ECE1: variants seen among roughly 807,000 people sequenced by gnomAD.
ECE1 encodes endothelin-converting enzyme 1.
ECE1 carries 35 observed loss-of-function variants against 98.6 expected under a neutral mutation model. That is an observed-to-expected ratio of 0.35 (90% CI 0.27 to 0.47). The LOEUF (loss-of-function observed/expected upper bound fraction) is 0.47. Among genes scored for constraint, ECE1 ranks in the 20% least tolerant of loss-of-function variants. The pLI, the probability that ECE1 is intolerant of heterozygous loss-of-function variation, is 1.00. For missense variants in ECE1, 814 were observed against 1,025.3 expected, an observed-to-expected ratio of 0.79 and a Z score of 2.81; for synonymous variants, 394 against 407.1, an observed-to-expected ratio of 0.97 and a Z score of 0.39.
chr1:21,236,290 G>A (rs1405007293), intron 12 of ECE1, among the ~76,000 whole-genome samples: 2 of 152,240 alleles, frequency 1.3e-5, no homozygotes, highest in Non-Finnish European at 2.9e-5. Context: ...GGCCTACCCC[G>A]AATCCTGCTA....
Position 21,319,346 on chromosome 1 carries a change from A to AAATAAT in ECE1, c.3+26024_3+26029dup, listed in dbSNP as rs3061090. Among the ~76,000 whole-genome samples the AAATAAT allele has an allele frequency of 6.8e-4, 103 of 151,932 alleles. 2 individuals carry two copies. In the East Asian group the frequency reaches 0.019, roughly 28 times the overall value. On this transcript the variant is annotated intron_variant, in intron 1 of 18. Coordinates refer to the ECE1 transcript ENST00000415912. This position sits in a 1 kb window ranked among gnomAD's most constrained non-coding sequence, Gnocchi z 4.4. ...GGAGACAGAGCGAGACTCCGTCTCA[A>AAATAAT]AATAATAATAATCATAATCATAATC...
rs114460024 is a variant in ECE1 at position 21,319,218 on chromosome 1, G to A, written c.3+26158C>T. On this transcript the variant is annotated intron_variant, in intron 1 of 18. Coordinates refer to the ECE1 transcript ENST00000415912. The surrounding 1 kb of genome is among the most constrained non-coding windows in gnomAD (Gnocchi z 4.4). ...AAAGTAGCCAGGCGTGGTGGTGTGC[G>A]TCTATAATCCCAGCTACTTGGGAGG... 0.013 allele frequency among the ~76,000 whole-genome samples: 1,973 copies of A among 152,202 alleles called. 46 individuals carry two copies. The highest frequency in any genetic ancestry group is 0.045 in the African/African-American group (1,863 of 41,518).
chr1:21,248,492 G>C (rs1339161173), intron 8 of ECE1, among the ~76,000 whole-genome samples: 1 of 151,956 alleles, frequency 6.6e-6, no homozygotes, highest in Non-Finnish European at 1.5e-5. Context: ...TCTATTTTAA[G>C]ATGACTGAAA....
intron 4 of ECE1, among the ~76,000 whole-genome samples, chr1:21,267,934 T>A (rs1051176278): frequency 1.6e-4 from 25 of 152,372 alleles, no homozygotes; most frequent in African/African-American, 4.6e-4. Context: ...GAATATTGTA[T>A]GTCTATCTCC....
At chr1:21,252,149 G>A (rs919753007) in intron 8 of ECE1, among the ~76,000 whole-genome samples, 3 of 152,160 alleles carry the variant, frequency 2.0e-5, no homozygotes, top group East Asian at 1.9e-4. Flanking sequence ...GATATAAGAC[G>A]GTGAGAAATC....
chr1:21,243,095 C>G (rs762366369), intron 10 of ECE1, among the ~76,000 whole-genome samples: 17 of 152,206 alleles, frequency 1.1e-4, no homozygotes, highest in South Asian at 4.1e-4. Context: ...TGGTACAGAG[C>G]TCAGGGCTAT....
Position 21,260,467 on chromosome 1 carries a change from T to C in ECE1, c.494-75A>G. Reference sequence around the variant, plus strand: ...GGTGGCTTTGGGGCAGTCCCTCTTTTCGGAGCCTTGGTGTTCTCAGCTGCA... The same window carrying C: ...GGTGGCTTTGGGGCAGTCCCTCTTTCCGGAGCCTTGGTGTTCTCAGCTGCA... On this transcript the variant is annotated intron_variant, in intron 4 of 18. Coordinates refer to ENST00000374893, the MANE Select transcript of ECE1 (RefSeq NM_001397.3). The surrounding 1 kb of genome is among the most constrained non-coding windows in gnomAD (Gnocchi z 4.3). 6.3e-7 allele frequency: 1 copy of C among 1,582,886 alleles called. No individual in the cohort carries two copies. Among genetic ancestry groups the C allele is most frequent in the Admixed American group, 1.7e-5 (1 of 59,960 alleles).
intron 1 of ECE1, among the ~76,000 whole-genome samples, chr1:21,300,043 T>C (rs1290866574): frequency 1.3e-5 from 2 of 152,222 alleles, no homozygotes; most frequent in African/African-American, 4.8e-5. Flanking sequence ...GGAATGGAGT[T>C]TGAAAAATCA....
intron 1 of ECE1, among the ~76,000 whole-genome samples, chr1:21,303,581 C>A (rs1638531593): frequency 6.6e-6 from 1 of 152,220 alleles, no homozygotes; most frequent in South Asian, 2.1e-4. Flanking sequence ...TGGCCCAAGG[C>A]AGAACTCACA....
intron 1 of ECE1, among the ~76,000 whole-genome samples, chr1:21,318,249 G>A (rs1638875062): frequency 6.6e-6 from 1 of 152,194 alleles, no homozygotes; most frequent in Admixed American, 6.5e-5. Context: ...AATGAAACAA[G>A]TACCCTGCTG....
chr1:21,342,261 C>A (rs1160079762), intron 1 of ECE1, among the ~76,000 whole-genome samples: 1 of 152,144 alleles, frequency 6.6e-6, no homozygotes, highest in African/African-American at 2.4e-5. Flanking sequence ...GGGTCTCCTT[C>A]CCCCAACTGT....
At chr1:21,284,927 G>C (rs1449854820) in intron 2 of ECE1, among the ~76,000 whole-genome samples, 1 of 152,202 alleles carries the variant, frequency 6.6e-6, no homozygotes, top group Non-Finnish European at 1.5e-5. Context: ...CAGGCTCCCT[G>C]GAGTAAGCCT....
At chr1:21,223,559 C>T (rs544647588) in intron 17 of ECE1, among the ~76,000 whole-genome samples, 12 of 152,302 alleles carry the variant, frequency 7.9e-5, no homozygotes, top group Admixed American at 1.3e-4. Flanking sequence ...CTCCACCTTC[C>T]GGGTTCAAGC....
chr1:21,220,068 G>C lies in ECE1; in HGVS notation c.2200C>G (p.Pro734Ala). Reference sequence around the variant, plus strand: ...GAGCCGATGACCCGGAAGCGAGAGGGGCTGTGGGGATCGGTGATGAGGCCT... The same window carrying C: ...GAGCCGATGACCCGGAAGCGAGAGGCGCTGTGGGGATCGGTGATGAGGCCT... ...HEGLITDPHS[P>A]SRFRVIGSLS... The change falls in exon 19 of 19, where the codon CCC becomes GCC. Residue 734 changes from proline to alanine, a missense_variant. By Grantham distance (27) the Pro-to-Ala change is conservative (BLOSUM62 -1). This residue lies in a region of ECE1 where 452 missense variants were observed against 567.3 expected (regional missense o/e 0.80). Coordinates refer to ENST00000374893, the MANE Select transcript of ECE1 (RefSeq NM_001397.3). The surrounding 1 kb of genome is among the most constrained non-coding windows in gnomAD (Gnocchi z 5.0). 1 of 1,614,214 alleles carries C rather than the reference G, an allele frequency of 6.2e-7. No individual in the cohort carries two copies. Among genetic ancestry groups the C allele is most frequent in the African/African-American group, 1.3e-5 (1 of 75,050 alleles).
Position 21,235,919 on chromosome 1 carries a change from G to A in ECE1, c.1497C>T (p.Ala499=). 1.2e-6 allele frequency: 2 copies of A among 1,614,166 alleles called. No individual in the cohort carries two copies. Among genetic ancestry groups the A allele is most frequent in the Non-Finnish European group, 8.5e-7 (1 of 1,180,002 alleles). The change falls in exon 13 of 19, where the codon GCC becomes GCT. Residue 499 remains alanine, a synonymous_variant. Transcript: ENST00000374893. The surrounding 1 kb of genome is among the most constrained non-coding windows in gnomAD (Gnocchi z 4.2). ...TGGGGTATCCTATCATGTTGTAGAT[G>A]GCATCGGCCTGGACAGGACAGACAG... ...TRKSAKEKAD[A]IYNMIGYPNF...
At position 21,227,944 on chromosome 1, in the gene ECE1, G is replaced by A. The variant is rs147818649; in HGVS notation, c.1768C>T (p.Arg590Cys). 74 of 1,554,164 alleles carry A rather than the reference G, an allele frequency of 4.8e-5. No homozygotes were observed. The highest frequency in any genetic ancestry group is 1.7e-4 in the Middle Eastern group (1 of 6,012). Reference sequence around the variant, plus strand: ...GAGGCAGCCTACTTGGGTGAGGAGCGTGTGTAGAATGGTGCCTGCAGGATC... The same window carrying A: ...GAGGCAGCCTACTTGGGTGAGGAGCATGTGTAGAATGGTGCCTGCAGGATC... ...AGILQAPFYT[R>C]SSPKALNFGG... The change falls in exon 15 of 19, where the codon CGC becomes TGC. Residue 590 changes from arginine (R) to cysteine (C), a missense_variant. By Grantham distance (180) the Arg-to-Cys change is radical. Coordinates refer to ENST00000374893, the MANE Select transcript of ECE1 (RefSeq NM_001397.3).
chr1:21,295,074 A>G (rs545440581), upstream of ECE1, among the ~76,000 whole-genome samples: 1 of 152,272 alleles, frequency 6.6e-6, no homozygotes, highest in Non-Finnish European at 1.5e-5. Context: ...TCAGATCCCC[A>G]GTCTGAACTT....
At chr1:21,297,744 C>T (rs570294237) in intron 1 of ECE1, among the ~76,000 whole-genome samples, 60 of 151,844 alleles carry the variant, frequency 4.0e-4, no homozygotes, top group African/African-American at 1.4e-3. Flanking sequence ...ACCACGTTGG[C>T]CAGGCTGGTC....
intron 1 of ECE1, among the ~76,000 whole-genome samples, chr1:21,342,432 G>A (rs570335155): frequency 1.3e-5 from 2 of 152,020 alleles, no homozygotes; most frequent in East Asian, 1.9e-4. Context: ...CAGAACCCTC[G>A]GCCCACGGCT....
Sources: gnomAD v4.1 joint callset for allele counts (sites outside exome capture counted in the v4.1 genomes callset) on GRCh38, gnomAD v4.1.1 for gene constraint, gnomAD v4.1.1 regional missense constraint, Gnocchi (gnomAD v3.1) non-coding constraint, MANE v1.5 for transcripts, NCBI Gene and HGNC (gene_info 2026-07-23, HGNC 2026-07-21) for gene names.